POLN: variants seen among roughly 807,000 people sequenced by gnomAD.
The protein encoded by POLN is DNA polymerase N.
POLN carries 108 observed loss-of-function variants against 113.5 expected under a neutral mutation model. The ratio of observed to expected loss-of-function variants is 0.95; its 90% CI spans 0.81 to 1.12. The LOEUF is 1.12. POLN is among the 50% of genes most tolerant of loss of function. The probability of loss-of-function intolerance (pLI) is 0.00; values close to 1 mark genes in which losing one functional copy is unlikely to be tolerated. For synonymous variants in POLN, 386 were observed against 391.5 expected (o/e 0.99, Z 0.17); for missense variants, 1,097 against 1,077.1 (o/e 1.02, Z -0.26).
At chr4:2,139,397 C>T (rs1440832662) in intron 16 of POLN, among the ~76,000 whole-genome samples, 1 of 152,222 alleles carries the variant, frequency 6.6e-6, no homozygotes. Flanking sequence ...AACTGCAGGT[C>T]CCAGTTCCTT....
chr4:2,085,613 C>T lies in POLN; in HGVS notation c.2197G>A (p.Gly733Ser), dbSNP rs376410820. 2 of 1,613,920 alleles carry T rather than the reference C, an allele frequency of 1.2e-6. No homozygotes were observed. The highest frequency in any genetic ancestry group is 2.7e-5 in the African/African-American group (2 of 75,062). Residue 733 changes from glycine to serine, a missense_variant and splice_region_variant, in exon 21 of 26, where the codon GGC becomes AGC. By Grantham distance (56) the Gly-to-Ser change is moderately conservative. Coordinates refer to ENST00000511885, the MANE Select transcript of POLN (RefSeq NM_181808.4). ...GGAGCTCTGGTTGTGGCCAACTCAC[C>T]TGTCTGGTGACACTGGGCAATAGCT... ...RAAIAQCHQT[G>S]CVVSIMGRRR...
intron 7 of POLN, among the ~76,000 whole-genome samples, chr4:2,190,023 C>CAAAAAAAAAAA (rs58730240): frequency 1.2e-5 from 1 of 86,138 alleles, no homozygotes. Context: ...GACTCCATCT[C>CAAAAAAAAAAA]AAAAAAAAAA....
intron 20 of POLN, chr4:2,089,117 T>G (rs1730611308): frequency 1.8e-6 from 2 of 1,114,390 alleles, no homozygotes; most frequent in South Asian, 1.4e-5. Context: ...AAAATCTGGG[T>G]TTTTTTTATA....
chr4:2,188,047 T>C (rs1733323431), intron 7 of POLN, among the ~76,000 whole-genome samples: 1 of 152,106 alleles, frequency 6.6e-6, no homozygotes, highest in Non-Finnish European at 1.5e-5. Flanking sequence ...GCCCAGGAAT[T>C]TGAGGTTACA....
rs1381442407 is a variant in POLN, at chr4:2,176,268, T to G, written c.1246A>C (p.Lys416Gln). 1.2e-6 allele frequency: 2 copies of G among 1,605,132 alleles called. No individual in the cohort carries two copies. Among genetic ancestry groups the G allele is most frequent in the Non-Finnish European group, 1.7e-6 (2 of 1,174,736 alleles). Residue 416 changes from lysine to glutamine, a missense_variant and splice_region_variant, in exon 9 of 26, where the codon AAG becomes CAG. Lys to Gln is a moderately conservative substitution (Grantham distance 53). Transcript: ENST00000511885. Reference protein sequence around the residue: ...RLTMDLCSKLKDYGLWQLFRT... With the variant: ...RLTMDLCSKLQDYGLWQLFRT... ...GAAATTATAATAAAATGCCTTGCCTTCAGTTTAGAGCAAAGGTCCATTGTA... is the reference window on the plus strand; with the variant it reads ...GAAATTATAATAAAATGCCTTGCCTGCAGTTTAGAGCAAAGGTCCATTGTA...
chr4:2,177,124 G>C (rs1577743775), intron 8 of POLN: 1 of 279,006 alleles, frequency 3.6e-6, no homozygotes, highest in East Asian at 1.3e-4. Flanking sequence ...TCAAGTTCTT[G>C]ACTGCCACCT....
At chr4:2,145,750 T>C (rs1244637907) in intron 16 of POLN, among the ~76,000 whole-genome samples, 1 of 152,094 alleles carries the variant, frequency 6.6e-6, no homozygotes, top group Non-Finnish European at 1.5e-5. Context: ...GTCAGGAGAG[T>C]TGAATACCAG....
intron 8 of POLN, among the ~76,000 whole-genome samples, chr4:2,178,149 T>TC (rs367999358): frequency 6.6e-6 from 1 of 151,780 alleles, no homozygotes; most frequent in Non-Finnish European, 1.5e-5. Flanking sequence ...GCTCAGTGCC[T>TC]GGTGCCTGAC....
At chr4:2,220,142 C>A (rs551411343) in intron 3 of POLN, among the ~76,000 whole-genome samples, 1 of 152,310 alleles carries the variant, frequency 6.6e-6, no homozygotes, top group Non-Finnish European at 1.5e-5. Flanking sequence ...TTGCACCCCA[C>A]GCCCTACAGA....
intron 13 of POLN, among the ~76,000 whole-genome samples, chr4:2,160,529 C>T (rs1387011573): frequency 1.3e-5 from 2 of 152,128 alleles, no homozygotes; most frequent in East Asian, 3.9e-4. Context: ...CTACCTCAGC[C>T]TCCCAAGTAG....
intron 12 of POLN, 78 bp from the exon 13 acceptor site, chr4:2,170,852 G>A: frequency 7.7e-7 from 1 of 1,291,910 alleles, no homozygotes. Context: ...CAGAGCCCAT[G>A]CCAACAGCCA....
intron 19 of POLN, among the ~76,000 whole-genome samples, chr4:2,105,798 C>A (rs1731050850): frequency 7.4e-6 from 1 of 135,980 alleles, no homozygotes; most frequent in South Asian, 2.7e-4. Context: ...CTCTCCCAGA[C>A]AAATAGTGAT....
chr4:2,198,525 G>A lies in POLN; in HGVS notation c.907C>T (p.Arg303Trp), dbSNP rs756800435. 1.4e-5 allele frequency: 23 copies of A among 1,605,708 alleles called. No individual in the cohort carries two copies. Among genetic ancestry groups the A allele is most frequent in the African/African-American group, 6.7e-5 (5 of 74,672 alleles). ...AGCCCATGTGTGAAGATTTCTTACC[G>A]GGCAAATTGTTGATGTGCCTCCTGT... The part of the protein sequence containing the change: ...QEQEAHQQFA[R>W]NVLFQTMKCK... The change falls in exon 6 of 26, where the codon CGG becomes TGG. Residue 303 changes from arginine (R) to tryptophan (W), a missense_variant and splice_region_variant. Physicochemically the swap from Arg to Trp is moderately radical, Grantham distance 101. Transcript: ENST00000511885.
At chr4:2,240,783 T>G in intron 2 of POLN, 1 of 1,613,954 alleles carries the variant, frequency 6.2e-7, no homozygotes, top group Non-Finnish European at 8.5e-7. Flanking sequence ...CAATTCTCTT[T>G]CAGACAACAC....
chr4:2,091,476 C>T (rs920377715), intron 20 of POLN, among the ~76,000 whole-genome samples: 5 of 152,096 alleles, frequency 3.3e-5, no homozygotes, highest in African/African-American at 1.2e-4. Flanking sequence ...CCTTGGACAC[C>T]CTTAGCAGTG....
chr4:2,080,115 G>T, intron 23 of POLN: 1 of 985,494 alleles, frequency 1.0e-6, no homozygotes, highest in Non-Finnish European at 1.2e-6. Context: ...ACTGTGGGGG[G>T]CTGGGGCAGG....
At chr4:2,146,311 G>C (rs1732137345) in intron 16 of POLN, among the ~76,000 whole-genome samples, 1 of 150,838 alleles carries the variant, frequency 6.6e-6, no homozygotes, top group Admixed American at 6.6e-5. Context: ...TTCCAGACCA[G>C]CCTGGCTAAC....
intron 8 of POLN, among the ~76,000 whole-genome samples, 200 bp downstream of exon 8, chr4:2,179,108 G>T (rs1733068659): frequency 6.6e-6 from 1 of 152,196 alleles, no homozygotes; most frequent in Non-Finnish European, 1.5e-5. Flanking sequence ...AGGAACAGGT[G>T]CCATAGAAGA....
At chr4:2,174,971 C>T (rs184987601) in intron 9 of POLN, among the ~76,000 whole-genome samples, 27 of 152,118 alleles carry the variant, frequency 1.8e-4, no homozygotes, top group Admixed American at 9.2e-4. Flanking sequence ...TACAGGCACC[C>T]CCCACCATGC....
Sources: allele counts gnomAD v4.1 joint callset (sites outside exome capture counted in the v4.1 genomes callset), GRCh38; gene constraint gnomAD v4.1.1; transcripts MANE v1.5; gene names NCBI Gene and HGNC (gene_info 2026-07-23, HGNC 2026-07-21).